The following TNFAIP8L3 variants were observed in gnomAD, a reference collection of about 807,000 sequenced individuals.
TNFAIP8L3 encodes the protein tumor necrosis factor alpha-induced protein 8-like protein 3.
A neutral mutation model predicts 11.8 loss-of-function variants in TNFAIP8L3; 7 were observed. The observed-to-expected ratio is 0.59, with a 90% CI of 0.34 to 1.11. The LOEUF (loss-of-function observed/expected upper bound fraction) is 1.11, where lower values mean the gene tolerates loss of function less well. Among genes scored for constraint, TNFAIP8L3 ranks in the 50% most tolerant of loss-of-function variants. The pLI, the probability that TNFAIP8L3 is intolerant of heterozygous loss-of-function variation, is 0.03. For synonymous variants in TNFAIP8L3, 98 were observed against 103.8 expected (o/e 0.94, Z 0.34); for missense variants, 219 against 258.6 (o/e 0.85, Z 1.05).
intron 1 of TNFAIP8L3, among the ~76,000 whole-genome samples, chr15:51,104,065 C>A (rs1431470007): frequency 6.6e-6 from 1 of 152,170 alleles, no homozygotes; most frequent in African/African-American, 2.4e-5. Flanking sequence ...ATCACATCTC[C>A]ATTGTACTGA....
At chr15:51,067,905 C>T (rs575888493) in intron 1 of TNFAIP8L3, among the ~76,000 whole-genome samples, 70 of 152,264 alleles carry the variant, frequency 4.6e-4, no homozygotes, top group South Asian at 6.2e-4. Flanking sequence ...TCCCTGCAGC[C>T]CCACTTTAAG....
chr15:51,062,691 A>G, intron 1 of TNFAIP8L3, among the ~76,000 whole-genome samples: 1 of 152,242 alleles, frequency 6.6e-6, no homozygotes, highest in Admixed American at 6.5e-5. Flanking sequence ...CATAAATTTA[A>G]AAAACACTGA....
chr15:51,087,507 C>T (rs1313322903), intron 1 of TNFAIP8L3, among the ~76,000 whole-genome samples: 2 of 152,216 alleles, frequency 1.3e-5, no homozygotes, highest in Non-Finnish European at 2.9e-5. Context: ...CATGAAGCTA[C>T]GTATGGCTAA....
intron 1 of TNFAIP8L3, among the ~76,000 whole-genome samples, chr15:51,091,663 A>G (rs1300466399): frequency 8.6e-6 from 1 of 116,570 alleles, no homozygotes; most frequent in Non-Finnish European, 1.8e-5. Flanking sequence ...GTAAACTAAA[A>G]AGACCTCCTC....
Position 51,094,563 on chromosome 15 carries a change from G to T in TNFAIP8L3, c.33C>A (p.Gly11=), listed in dbSNP as rs1421065122. Residue 11 remains glycine (G), a synonymous_variant, in exon 1 of 2, where the codon GGC becomes GGA. Coordinates refer to ENST00000637513, the MANE Select transcript of TNFAIP8L3 (RefSeq NM_001311175.2). This position sits in a 1 kb window ranked among gnomAD's most constrained non-coding sequence, Gnocchi z 4.4. MDSDSGEQSE[G]EPVTAAGPDV... is the part of the protein sequence containing the mutation. The stretch of plus-strand genomic sequence containing the variant: ...AGGTACCTGCGGCGGTCACGGGCTC[G>T]CCCTCGCTCTGCTCCCCGGAATCCG... 8 of 1,502,358 alleles carry T rather than the reference G, an allele frequency of 5.3e-6. No homozygotes were observed. The Middle Eastern group carries it at 5.3e-4, about 100-fold the overall frequency. The allele number at this position is 1,502,358 out of a possible 1,614,324, so 93.1% of individuals were successfully genotyped here.
At chr15:51,098,300 C>T (rs979404914), upstream of TNFAIP8L3, among the ~76,000 whole-genome samples, 3 of 152,202 alleles carry the variant, frequency 2.0e-5, no homozygotes, top group Admixed American at 6.5e-5. Flanking sequence ...ACTTTTCACA[C>T]GCTAGGACTG....
chr15:51,069,149 C>T (rs2065291490), intron 1 of TNFAIP8L3, among the ~76,000 whole-genome samples: 1 of 152,212 alleles, frequency 6.6e-6, no homozygotes, highest in South Asian at 2.1e-4. Flanking sequence ...GTGTGACCAG[C>T]TTTCCTGACT....
At chr15:51,069,883 T>C (rs573568742) in intron 1 of TNFAIP8L3, among the ~76,000 whole-genome samples, 1 of 152,272 alleles carries the variant, frequency 6.6e-6, no homozygotes, top group South Asian at 2.1e-4. Context: ...CTTCGAAAAA[T>C]TCCCCTTGGC....
chr15:51,100,554 C>T (rs1053566601), intron 1 of TNFAIP8L3, among the ~76,000 whole-genome samples: 1 of 152,128 alleles, frequency 6.6e-6, no homozygotes, highest in Non-Finnish European at 1.5e-5. Context: ...CATGAGTCAA[C>T]AGTGGGATAA....
Position 51,058,033 on chromosome 15 carries a change from G to T in TNFAIP8L3, c.463C>A (p.Pro155Thr). Residue 155 changes from proline (P) to threonine (T), a missense_variant, in exon 2 of 2, where the codon CCC (proline) becomes ACC (threonine). Physicochemically the swap from Pro to Thr is conservative, Grantham distance 38. Coordinates refer to ENST00000637513, the MANE Select transcript of TNFAIP8L3 (RefSeq NM_001311175.2). ...TGGTTGATGCGCCCGTGGGTCCTGG[G>T]CGTCAGGTGCCGCTGCACCAGTTCA... is the stretch of plus-strand genomic sequence containing the variant. ...VHELVQRHLT[P>T]RTHGRINHVF... is the part of the protein sequence containing the mutation. 6.2e-7 allele frequency: 1 copy of T among 1,614,188 alleles called. No individual in the cohort carries two copies. The highest frequency in any genetic ancestry group is 8.5e-7 in the Non-Finnish European group (1 of 1,180,040).
At chr15:51,072,106 C>T (rs1350050490) in intron 1 of TNFAIP8L3, among the ~76,000 whole-genome samples, 1 of 152,136 alleles carries the variant, frequency 6.6e-6, no homozygotes, top group Non-Finnish European at 1.5e-5. Flanking sequence ...TGTAGCATTA[C>T]ATTTTAACTT....
At chr15:51,083,530 C>T (rs2065406514) in intron 1 of TNFAIP8L3, among the ~76,000 whole-genome samples, 1 of 152,246 alleles carries the variant, frequency 6.6e-6, no homozygotes, top group Admixed American at 6.5e-5. Flanking sequence ...AGTGGACCCC[C>T]TGCCAGCCAG....
chr15:51,092,556 A>C (rs1000755440), intron 1 of TNFAIP8L3, among the ~76,000 whole-genome samples: 14 of 152,262 alleles, frequency 9.2e-5, no homozygotes, highest in Non-Finnish European at 1.9e-4. Flanking sequence ...TCAACGTGTG[A>C]GATTCAAGCA....
intron 1 of TNFAIP8L3, among the ~76,000 whole-genome samples, chr15:51,102,340 A>G (rs2065559790): frequency 6.6e-6 from 1 of 152,156 alleles, no homozygotes; most frequent in South Asian, 2.1e-4. Flanking sequence ...AGTCTCCTAA[A>G]TTTGTTTTTT....
At chr15:51,098,440 A>G (rs1361892278), upstream of TNFAIP8L3, among the ~76,000 whole-genome samples, 1 of 152,218 alleles carries the variant, frequency 6.6e-6, no homozygotes, top group Non-Finnish European at 1.5e-5. Flanking sequence ...TTTGGTCCCA[A>G]GGAAGCTTCT....
At chr15:51,101,763 A>C (rs867024463) in intron 1 of TNFAIP8L3, among the ~76,000 whole-genome samples, 3 of 151,676 alleles carry the variant, frequency 2.0e-5, no homozygotes, top group African/African-American at 7.3e-5. Context: ...TGGCTAACAC[A>C]GTGAAACCCC....
exon 1 of TNFAIP8L3, chr15:51,105,081 G>T (rs563553296): frequency 1.2e-6 from 2 of 1,614,140 alleles, no homozygotes; most frequent in South Asian, 2.2e-5. Flanking sequence ...TTGTGCCTTG[G>T]GTCCCTGCAT....
upstream of TNFAIP8L3, among the ~76,000 whole-genome samples, chr15:51,098,643 C>G (rs574487001): frequency 1.2e-4 from 18 of 152,172 alleles, no homozygotes; most frequent in African/African-American, 4.3e-4. Flanking sequence ...ATGCAGATTA[C>G]TAGAAAAATT....
At chr15:51,097,617 A>G (rs1407237776), upstream of TNFAIP8L3, among the ~76,000 whole-genome samples, 1 of 152,258 alleles carries the variant, frequency 6.6e-6, no homozygotes, top group Admixed American at 6.5e-5. Flanking sequence ...CCAATTTCCT[A>G]TGATGTACAA....
Sources: gnomAD v4.1 joint callset for allele counts (sites outside exome capture counted in the v4.1 genomes callset) on GRCh38, gnomAD v4.1.1 for gene constraint, Gnocchi (gnomAD v3.1) non-coding constraint, MANE v1.5 for transcripts, NCBI Gene and HGNC (gene_info 2026-07-23, HGNC 2026-07-21) for gene names.